The following FOXP2 variants were observed in gnomAD, a reference collection of about 807,000 sequenced individuals.
FOXP2 encodes the protein forkhead box P2, also known as forkhead box protein P2.
A neutral mutation model predicts 115.8 loss-of-function variants in FOXP2; 12 were observed. That is an observed-to-expected ratio of 0.10 (90% CI 0.07 to 0.17). The LOEUF (loss-of-function observed/expected upper bound fraction) is 0.17. Among genes scored for constraint, FOXP2 ranks in the 10% least tolerant of loss-of-function variants. The pLI, the probability that FOXP2 is intolerant of heterozygous loss-of-function variation, is 1.00. For missense variants in FOXP2, 629 were observed against 843.5 expected (o/e 0.75, Z 3.15); for synonymous variants, 328 against 297.7 (o/e 1.10, Z -1.05).
intron 2 of FOXP2, among the ~76,000 whole-genome samples, chr7:114,441,695 A>G (rs1323641735): frequency 1.3e-5 from 2 of 152,202 alleles, no homozygotes; most frequent in Non-Finnish European, 2.9e-5. Flanking sequence ...TAAGCCAAGT[A>G]TTTGAATGGA....
chr7:114,624,112 C>G (rs576286721), intron 3 of FOXP2, among the ~76,000 whole-genome samples: 84 of 151,908 alleles, frequency 5.5e-4, no homozygotes, highest in Non-Finnish European at 9.1e-4. Context: ...TAAATAGTTT[C>G]TTATGTTAAA....
At chr7:114,112,658 T>C (rs565729757) in intron 1 of FOXP2, among the ~76,000 whole-genome samples, 2 of 152,148 alleles carry the variant, frequency 1.3e-5, no homozygotes, top group South Asian at 2.1e-4. Context: ...CTACATGGCT[T>C]GAGGATACAA....
intron 6 of FOXP2, among the ~76,000 whole-genome samples, chr7:114,632,087 G>A (rs1470463786): frequency 6.6e-6 from 1 of 152,148 alleles, no homozygotes. Context: ...GAGTTTGGTG[G>A]ACAACTGATA....
chr7:114,120,676 GTGTGTGTGTGTGTGTATATGTA>G (rs775282818), intron 1 of FOXP2, among the ~76,000 whole-genome samples: 11 of 144,678 alleles, frequency 7.6e-5, no homozygotes, highest in East Asian at 6.4e-4. Context: ...ATGTATGTGT[GTGTGTGTGTGTGTGTATATGTA>G]TGTGTGTGTG....
At chr7:114,449,799 C>T (rs957871288) in intron 2 of FOXP2, among the ~76,000 whole-genome samples, 1 of 152,058 alleles carries the variant, frequency 6.6e-6, no homozygotes, top group Non-Finnish European at 1.5e-5. Context: ...GCATATCTAC[C>T]TGTATTCCAT....
chr7:114,642,779 A>G (rs1453211966), intron 7 of FOXP2, among the ~76,000 whole-genome samples, 156 bp downstream of exon 7: 1 of 91,176 alleles, frequency 1.1e-5, no homozygotes, highest in Non-Finnish European at 1.9e-5. Flanking sequence ...TTTTATATAT[A>G]ATATATATAT....
intron 11 of FOXP2, 53 bp downstream of exon 11, chr7:114,658,320 A>G (rs1042546469): frequency 6.4e-7 from 1 of 1,560,802 alleles, no homozygotes; most frequent in Non-Finnish European, 8.8e-7. Context: ...GGAAAACTGT[A>G]GCTGAATCAA....
intron 1 of FOXP2, among the ~76,000 whole-genome samples, chr7:114,121,973 G>A (rs1791579390): frequency 6.6e-6 from 1 of 152,040 alleles, no homozygotes; most frequent in Admixed American, 6.6e-5. Context: ...CTCGGTAGGG[G>A]TACTGTAGAG....
chr7:114,666,334 A>T (rs1031028308), intron 16 of FOXP2: 8 of 152,070 alleles, frequency 5.3e-5, no homozygotes, highest in African/African-American at 1.9e-4. Context: ...CAGAATATTG[A>T]GTCAATATTC....
chr7:114,441,368 G>T (rs1382388018), intron 2 of FOXP2, among the ~76,000 whole-genome samples: 3 of 151,954 alleles, frequency 2.0e-5, no homozygotes, highest in African/African-American at 7.2e-5. Context: ...CAGCAGAATC[G>T]CTTGAACACA....
At chr7:114,406,047 T>G (rs911664360) in intron 2 of FOXP2, among the ~76,000 whole-genome samples, 1 of 151,880 alleles carries the variant, frequency 6.6e-6, no homozygotes, top group African/African-American at 2.4e-5. Context: ...GATATTTAGC[T>G]AGTCCACTTA....
chr7:114,124,173 A>G (rs1256217878), intron 1 of FOXP2, among the ~76,000 whole-genome samples: 1 of 152,034 alleles, frequency 6.6e-6, no homozygotes, highest in Non-Finnish European at 1.5e-5. Flanking sequence ...CCTAGGAAGT[A>G]GGTAGTTTTA....
At chr7:114,542,498 C>G (rs1799715078) in intron 3 of FOXP2, among the ~76,000 whole-genome samples, 1 of 152,048 alleles carries the variant, frequency 6.6e-6, no homozygotes, top group African/African-American at 2.4e-5. Flanking sequence ...TTTTCCTTTT[C>G]TTTTTAGTGC....
At chr7:114,133,687 A>G (rs533888352) in intron 1 of FOXP2, among the ~76,000 whole-genome samples, 199 of 152,362 alleles carry the variant, frequency 1.3e-3, no homozygotes, top group African/African-American at 3.9e-3. Flanking sequence ...TGGACCATTC[A>G]TAAATGGCTT....
At chr7:114,323,707 T>A (rs1461419237) in intron 2 of FOXP2, among the ~76,000 whole-genome samples, 1 of 152,024 alleles carries the variant, frequency 6.6e-6, no homozygotes, top group Admixed American at 6.5e-5. Flanking sequence ...AAGTTGGTTT[T>A]ATTTAAACAA....
chr7:114,257,553 A>G (rs554022014), intron 1 of FOXP2, among the ~76,000 whole-genome samples: 22 of 143,868 alleles, frequency 1.5e-4, no homozygotes, highest in Admixed American at 1.5e-3. Context: ...TCCCTGGTTC[A>G]GGCGATTCTC....
intron 1 of FOXP2, among the ~76,000 whole-genome samples, chr7:114,203,708 A>T (rs554309791): frequency 6.6e-6 from 1 of 152,234 alleles, no homozygotes; most frequent in South Asian, 2.1e-4. Flanking sequence ...TGATATAGCT[A>T]GTTCTTTTCT....
At chr7:114,454,455 G>C (rs961437350) in intron 2 of FOXP2, among the ~76,000 whole-genome samples, 4 of 151,956 alleles carry the variant, frequency 2.6e-5, no homozygotes, top group Admixed American at 1.3e-4. Flanking sequence ...GTGGAAGTCA[G>C]TGTGGCGATT....
chr7:114,108,035 T>C (rs1791167088), intron 1 of FOXP2, among the ~76,000 whole-genome samples: 1 of 151,984 alleles, frequency 6.6e-6, no homozygotes, highest in Non-Finnish European at 1.5e-5. Context: ...TCACATTATT[T>C]TGTGATGTAA....
Sources: gnomAD v4.1 joint callset for allele counts (sites outside exome capture counted in the v4.1 genomes callset) on GRCh38, gnomAD v4.1.1 for gene constraint, MANE v1.5 for transcripts, NCBI Gene and HGNC (gene_info 2026-07-23, HGNC 2026-07-21) for gene names.